MYO18B: variants seen among roughly 807,000 people sequenced by gnomAD.
MYO18B encodes myosin XVIIIB, also known as unconventional myosin-XVIIIb.
Under a neutral mutation model 273.0 loss-of-function variants are expected in MYO18B, and 204 were observed. That is an observed-to-expected ratio of 0.75 (90% CI 0.67 to 0.84). The LOEUF (loss-of-function observed/expected upper bound fraction) is 0.84. Among genes scored for constraint, MYO18B ranks in the 40% least tolerant of loss-of-function variants. MYO18B has a pLI of 0.00. For synonymous variants in MYO18B, 1,330 were observed against 1,305.7 expected, an observed-to-expected ratio of 1.02 and a Z score of -0.40; for missense variants, 3,212 against 3,287.6, an observed-to-expected ratio of 0.98 and a Z score of 0.56.
chr22:25,980,715 TAGAAAC>T (rs1213632751), intron 39 of MYO18B, among the ~76,000 whole-genome samples: 35 of 152,204 alleles, frequency 2.3e-4, no homozygotes, highest in Non-Finnish European at 1.6e-4. Context: ...TGAATGCTAT[TAGAAAC>T]AGAAAAGCAA....
intron 39 of MYO18B, among the ~76,000 whole-genome samples, chr22:25,968,360 A>G (rs2093001320): frequency 6.6e-6 from 1 of 152,174 alleles, no homozygotes; most frequent in African/African-American, 2.4e-5. Flanking sequence ...CCCAAGGAAA[A>G]TTGAAATGTT....
In MYO18B at chr22:25,832,938, G is replaced by A; in HGVS notation, c.3001G>A (p.Asp1001Asn). The part of the protein sequence containing the change: ...YQEEGVPVQF[D>N]LPDPSPGTTV... ...CCAGGAAGGTGTTCCTGTGCAGTTT[G>A]ACCTCCCGGACCCCTCCCCAGGGAC... Residue 1001 changes from aspartate (D) to asparagine (N), a missense_variant, in exon 16 of 44, where the codon GAC (aspartate) becomes AAC (asparagine). By Grantham distance (23) the Asp-to-Asn change is conservative (BLOSUM62 1). Transcript: ENST00000335473. 6.2e-7 allele frequency: 1 copy of A among 1,613,820 alleles called. No homozygotes were observed. The highest frequency in any genetic ancestry group is 8.5e-7 in the Non-Finnish European group (1 of 1,179,846).
At chr22:25,760,400 A>G (rs2146585600) in intron 1 of MYO18B, among the ~76,000 whole-genome samples, 1 of 124,410 alleles carries the variant, frequency 8.0e-6, no homozygotes, top group South Asian at 3.0e-4. Flanking sequence ...CATCAGAGCA[A>G]GACTCCATCT....
chr22:25,868,214 G>T, intron 21 of MYO18B, 106 bp from the exon 22 acceptor site: 1 of 913,826 alleles, frequency 1.1e-6, no homozygotes, highest in Non-Finnish European at 1.7e-6. Context: ...AGACATGTGG[G>T]GTCATCCTCC....
intron 39 of MYO18B, among the ~76,000 whole-genome samples, chr22:25,984,804 A>T (rs115751708): frequency 0.011 from 982 of 90,016 alleles, 8 homozygotes; most frequent in African/African-American, 0.034. Context: ...CATCTCTAAG[A>T]AAAAAAAAAA....
At chr22:26,024,677 G>T (rs75341279) in intron 42 of MYO18B, among the ~76,000 whole-genome samples, 3,112 of 152,252 alleles carry the variant, frequency 0.02, 62 homozygotes, top group African/African-American at 0.056. Flanking sequence ...CTTTAGCCGG[G>T]CCCATCATTG....
chr22:26,052,041 G>A, the MYO18B span, among the ~76,000 whole-genome samples: 4 of 152,292 alleles, frequency 2.6e-5, no homozygotes, highest in Admixed American at 6.5e-5. Flanking sequence ...CCTTGCATAT[G>A]CATCTTTGGA....
chr22:25,947,681 C>G, intron 35 of MYO18B, 31 bp from the exon 36 acceptor site: 1 of 1,578,344 alleles, frequency 6.3e-7, no homozygotes, highest in Non-Finnish European at 8.7e-7. Flanking sequence ...ACCCTCTCAC[C>G]TTGCCTTGAC....
chr22:26,043,652 A>G, the MYO18B span, among the ~76,000 whole-genome samples: 3 of 151,066 alleles, frequency 2.0e-5, no homozygotes, highest in Admixed American at 1.3e-4. Flanking sequence ...CTGGGATTAC[A>G]GGCGTGCGCC....
chr22:25,796,977 C>T (rs2087942660), intron 11 of MYO18B, among the ~76,000 whole-genome samples: 1 of 152,216 alleles, frequency 6.6e-6, no homozygotes, highest in East Asian at 1.9e-4. Flanking sequence ...CCTGTAATCC[C>T]AGCACTTTGG....
intron 12 of MYO18B, among the ~76,000 whole-genome samples, chr22:25,812,159 C>T (rs986210998): frequency 6.6e-6 from 1 of 152,190 alleles, no homozygotes; most frequent in African/African-American, 2.4e-5. Flanking sequence ...GGGACTTGCT[C>T]TTTCCACTTT....
At chr22:25,967,910 G>A (rs1337371380) in intron 39 of MYO18B, among the ~76,000 whole-genome samples, 1 of 152,088 alleles carries the variant, frequency 6.6e-6, no homozygotes, top group Non-Finnish European at 1.5e-5. Flanking sequence ...GCTTGACATT[G>A]GCCATTGTGG....
At chr22:26,014,754 C>G (rs1469558111) in intron 42 of MYO18B, among the ~76,000 whole-genome samples, 1 of 152,200 alleles carries the variant, frequency 6.6e-6, no homozygotes, top group South Asian at 2.1e-4. Context: ...AATAGCCATT[C>G]TAACTGGTGT....
rs2086596864 is a variant in MYO18B, at chr22:25,768,602, T to C, written c.686T>C (p.Val229Ala). The stretch of plus-strand genomic sequence containing the variant: ...CTTGGGGACCCAGGCCAAGGAACTG[T>C]GGCACTGAAAAAAGGCGAGGAGGGT... ...GGLGDPGQGT[V>A]ALKKGEEGQS... Residue 229 changes from valine (V) to alanine (A), a missense_variant, in exon 4 of 44, where the codon GTG becomes GCG. Coordinates refer to ENST00000335473, the MANE Select transcript of MYO18B (RefSeq NM_032608.7). 1 of 1,525,772 alleles carries C rather than the reference T, an allele frequency of 6.6e-7. No individual in the cohort carries two copies. The allele number at this position is 1,525,772 out of a possible 1,614,324, so 94.5% of individuals were successfully genotyped here. A position where few individuals can be genotyped will look rare whatever the true frequency, so the allele number is the denominator to read the frequency against.
intron 13 of MYO18B, among the ~76,000 whole-genome samples, chr22:25,823,905 A>G (rs557922838): frequency 2.5e-3 from 375 of 152,322 alleles, no homozygotes; most frequent in Non-Finnish European, 4.7e-3. Context: ...GAAACCTGGC[A>G]GGGAGCCCCG....
intron 39 of MYO18B, among the ~76,000 whole-genome samples, chr22:25,981,074 T>TC (rs2146788408): frequency 6.6e-6 from 1 of 152,350 alleles, no homozygotes; most frequent in Admixed American, 6.5e-5. Context: ...TATCTCTGTG[T>TC]CCAAGTTTCC....
At chr22:25,762,277 T>C (rs1325402269) in intron 2 of MYO18B, among the ~76,000 whole-genome samples, 3 of 152,254 alleles carry the variant, frequency 2.0e-5, no homozygotes, top group Non-Finnish European at 2.9e-5. Flanking sequence ...CCTTGTCTCC[T>C]GGCCTTTGCT....
Position 25,990,421 on chromosome 22 carries a change from C to A in MYO18B, c.6157-1942C>A, listed in dbSNP as rs150035463. Among the ~76,000 whole-genome samples the A allele has an allele frequency of 4.2e-3, 634 of 152,142 alleles. 4 individuals carry two copies. The highest frequency in any genetic ancestry group is 0.015 in the African/African-American group (609 of 41,512). The stretch of plus-strand genomic sequence containing the variant: ...AAAAATGAGGCCGGGTGCAGTGGCT[C>A]ACGCCTGTAATTCCAGCACTTTGGG... On this transcript the variant is annotated intron_variant, in intron 39 of 43. Coordinates refer to ENST00000335473, the MANE Select transcript of MYO18B (RefSeq NM_032608.7).
intron 39 of MYO18B, among the ~76,000 whole-genome samples, chr22:25,960,300 T>C (rs1263181389): frequency 6.6e-6 from 1 of 152,126 alleles, no homozygotes; most frequent in Admixed American, 6.5e-5. Flanking sequence ...TATATCCTGT[T>C]GTTTTTCAGT....
Sources: gnomAD v4.1 joint callset for allele counts (sites outside exome capture counted in the v4.1 genomes callset) on GRCh38, gnomAD v4.1.1 for gene constraint, MANE v1.5 for transcripts, NCBI Gene and HGNC (gene_info 2026-07-23, HGNC 2026-07-21) for gene names.